Variants in CCDC178 observed in about 807,000 individuals in gnomAD.
The protein encoded by CCDC178 is coiled-coil domain containing 178.
In CCDC178, 126 loss-of-function variants were observed where a neutral mutation model predicts 117.4. The ratio of observed to expected loss-of-function variants is 1.07; its 90% CI spans 0.93 to 1.24. CCDC178 has a LOEUF of 1.24. Ranked by LOEUF, CCDC178 falls within the 50% of genes most tolerant of loss-of-function variation. CCDC178 has a pLI of 0.00. For synonymous variants in CCDC178, 283 were observed against 313.4 expected (o/e 0.90, Z 1.02); for missense variants, 1,030 against 986.9 (o/e 1.04, Z -0.59).
At chr18:33,328,149 T>G (rs1036533641) in intron 10 of CCDC178, 1 of 293,968 alleles carries the variant, frequency 3.4e-6, no homozygotes, top group Non-Finnish European at 6.1e-6. Flanking sequence ...GTTGCCAGGC[T>G]GGAGTGCAGT....
At chr18:33,058,350 A>G (rs1340903319) in intron 21 of CCDC178, among the ~76,000 whole-genome samples, 7 of 152,234 alleles carry the variant, frequency 4.6e-5, no homozygotes, top group Non-Finnish European at 7.3e-5. Context: ...ATGATACAAC[A>G]TGGTAAGCCT....
At chr18:33,296,096 A>T (rs543972194) in intron 11 of CCDC178, among the ~76,000 whole-genome samples, 1 of 152,182 alleles carries the variant, frequency 6.6e-6, no homozygotes, top group Non-Finnish European at 1.5e-5. Flanking sequence ...AATCTCATTC[A>T]GTGATAAAAA....
At chr18:33,401,391 T>C (rs924335421) in intron 3 of CCDC178, among the ~76,000 whole-genome samples, 1 of 152,156 alleles carries the variant, frequency 6.6e-6, no homozygotes, top group African/African-American at 2.4e-5. Flanking sequence ...GAGGTGCCTA[T>C]AGTCAGTTTC....
chr18:33,032,794 G>C (rs2056369849), intron 21 of CCDC178, among the ~76,000 whole-genome samples: 1 of 152,058 alleles, frequency 6.6e-6, no homozygotes, highest in African/African-American at 2.4e-5. Flanking sequence ...AAATGCAAAG[G>C]TTGGCTACAT....
chr18:33,417,824 C>T (rs750959311), intron 2 of CCDC178, among the ~76,000 whole-genome samples: 18 of 152,024 alleles, frequency 1.2e-4, no homozygotes, highest in Non-Finnish European at 2.4e-4. Flanking sequence ...AGACCCATAA[C>T]GAATTCCAAA....
chr18:33,236,334 A>T (rs963167610), intron 15 of CCDC178, among the ~76,000 whole-genome samples: 3 of 152,196 alleles, frequency 2.0e-5, no homozygotes, highest in African/African-American at 4.8e-5. Flanking sequence ...TACAAACTTG[A>T]ATTACTATAA....
chr18:33,017,080 AT>A (rs1056119972), intron 21 of CCDC178, among the ~76,000 whole-genome samples: 1 of 151,938 alleles, frequency 6.6e-6, no homozygotes, highest in Non-Finnish European at 1.5e-5. Context: ...ACTATTCAAC[AT>A]TTTACTATCA....
At chr18:33,252,354 A>G (rs562101386) in intron 14 of CCDC178, among the ~76,000 whole-genome samples, 1 of 151,902 alleles carries the variant, frequency 6.6e-6, no homozygotes, top group African/African-American at 2.4e-5. Flanking sequence ...TTTAGTATTC[A>G]ACTCTTGGAA....
intron 15 of CCDC178, among the ~76,000 whole-genome samples, chr18:33,239,290 A>T (rs971948330): frequency 6.6e-6 from 1 of 152,062 alleles, no homozygotes; most frequent in Non-Finnish European, 1.5e-5. Flanking sequence ...GAAGTAAGAA[A>T]CATAGGACAT....
intron 16 of CCDC178, among the ~76,000 whole-genome samples, chr18:33,225,440 G>C (rs935498241): frequency 6.6e-6 from 1 of 152,078 alleles, no homozygotes; most frequent in Non-Finnish European, 1.5e-5. Context: ...GATTACAGGC[G>C]TGAGCCACCA....
At chr18:33,318,473 C>T (rs1333336016) in intron 11 of CCDC178, among the ~76,000 whole-genome samples, 1 of 152,004 alleles carries the variant, frequency 6.6e-6, no homozygotes. Flanking sequence ...AGATAATAAG[C>T]CAGAAGAAAG....
Position 33,333,312 on chromosome 18 carries a change from T to G in CCDC178, c.741A>C (p.Lys247Asn), listed in dbSNP as rs1372674454. The G allele has an allele frequency of 6.2e-7, 1 of 1,612,824 alleles. No homozygotes were observed. Among genetic ancestry groups the G allele is most frequent in the Non-Finnish European group, 8.5e-7 (1 of 1,179,288 alleles). Residue 247 changes from lysine to asparagine, a missense_variant, in exon 10 of 23, where the codon AAA becomes AAC. By Grantham distance (94) the Lys-to-Asn change is moderately conservative (BLOSUM62 0). Transcript: ENST00000383096. The part of the protein sequence containing the change: ...DKANQLQHFE[K>N]QKTELEEANA... ...TTGCTTCTTCTAACTCTGTCTTTTG[T>G]TTTTCAAAATGTTGTAGTTGATTAG...
intron 21 of CCDC178, among the ~76,000 whole-genome samples, chr18:33,002,076 C>G (rs1236580559): frequency 2.0e-5 from 3 of 152,078 alleles, no homozygotes; most frequent in Non-Finnish European, 4.4e-5. Flanking sequence ...AACATAATAA[C>G]AGCTGGAGAT....
At chr18:32,946,915 G>A (rs942392941) in intron 22 of CCDC178, among the ~76,000 whole-genome samples, 7 of 151,932 alleles carry the variant, frequency 4.6e-5, no homozygotes, top group African/African-American at 1.7e-4. Flanking sequence ...GAGTAGCTGG[G>A]ACTACCGGCA....
At chr18:33,172,238 C>T (rs1416280919) in intron 20 of CCDC178, among the ~76,000 whole-genome samples, 1 of 152,110 alleles carries the variant, frequency 6.6e-6, no homozygotes, top group Non-Finnish European at 1.5e-5. Flanking sequence ...ACAATTAATA[C>T]CACTTGATAT....
chr18:33,405,954 A>C (rs1008865305), intron 3 of CCDC178, among the ~76,000 whole-genome samples: 2 of 152,110 alleles, frequency 1.3e-5, no homozygotes, highest in Admixed American at 6.6e-5. Flanking sequence ...TATAAGTATA[A>C]GCCAGGAATA....
intron 19 of CCDC178, 43 bp downstream of exon 19, chr18:33,215,507 A>AT: frequency 1.9e-6 from 2 of 1,043,886 alleles, no homozygotes; most frequent in South Asian, 2.2e-5. Flanking sequence ...ATTTATTAAT[A>AT]TTTTTTAAAA....
intron 21 of CCDC178, among the ~76,000 whole-genome samples, chr18:33,024,761 A>C (rs2056190992): frequency 6.7e-6 from 1 of 150,322 alleles, no homozygotes; most frequent in Non-Finnish European, 1.5e-5. Flanking sequence ...CTCCTACCTC[A>C]GCCTCCCGAG....
chr18:32,958,225 T>C (rs1418435732), intron 22 of CCDC178: 3 of 569,610 alleles, frequency 5.3e-6, no homozygotes, highest in African/African-American at 1.9e-5. Flanking sequence ...ACTGGTTCTG[T>C]AAAACAAAAA....
Sources: gnomAD v4.1 joint callset for allele counts (sites outside exome capture counted in the v4.1 genomes callset) on GRCh38, gnomAD v4.1.1 for gene constraint, MANE v1.5 for transcripts, NCBI Gene and HGNC (gene_info 2026-07-23, HGNC 2026-07-21) for gene names.